SPEG: variants seen among roughly 807,000 people sequenced by gnomAD.
SPEG encodes the protein striated muscle preferentially expressed protein kinase.
A neutral mutation model predicts 300.4 loss-of-function variants in SPEG; 114 were observed. The ratio of observed to expected loss-of-function variants is 0.38; its 90% CI spans 0.33 to 0.44. The LOEUF (loss-of-function observed/expected upper bound fraction) is 0.44. Among genes scored for constraint, SPEG ranks in the 20% least tolerant of loss-of-function variants. The pLI is 1.00. For missense variants in SPEG, 4,201 were observed against 4,586.2 expected (o/e 0.92, Z 2.43); for synonymous variants, 1,964 against 2,018.9 (o/e 0.97, Z 0.73).
intron 4 of SPEG, among the ~76,000 whole-genome samples, chr2:219,450,451 T>G (rs1689659246): frequency 6.6e-6 from 1 of 152,224 alleles, no homozygotes; most frequent in Admixed American, 6.5e-5. Flanking sequence ...AGTTGGAGAA[T>G]GCCCAGAGAC....
rs1198961740 is a variant in SPEG, at chr2:219,435,267, G to A, written c.290G>A (p.Arg97His). Residue 97 changes from arginine to histidine, a missense_variant, in exon 1 of 41, where the codon CGC becomes CAC. This residue lies in a region of SPEG where 1,258 missense variants were observed against 1,293.9 expected (regional missense o/e 0.97). Transcript: ENST00000312358. ...GAGCCCAGCTGCCTGTGGCTGCGGC[G>A]CTGCGGGGCGCAGGACGCCGGCGTG... Reference protein sequence around the residue: ...APEPSCLWLRRCGAQDAGVYS... With the variant: ...APEPSCLWLRHCGAQDAGVYS... 2 of 1,493,504 alleles carry A rather than the reference G, an allele frequency of 1.3e-6. No individual in the cohort carries two copies. The highest frequency in any genetic ancestry group is 2.8e-5 in the East Asian group (1 of 36,040). 92.5% of individuals were successfully genotyped at this position (1,493,504 alleles called of 1,614,324 possible).
Position 219,490,665 on chromosome 2 carries a change from G to A in SPEG, c.9161+17G>A. ...CAGTGACAGGTAGCTGGGAATTCTA[G>A]GGGAGTAGGGAGGAAGAGGTAGGGG... is the stretch of plus-strand genomic sequence containing the variant. On this transcript the variant is annotated intron_variant, in intron 37 of 40. Transcript: ENST00000312358. The A allele has an allele frequency of 1.2e-6, 2 of 1,609,054 alleles. No individual in the cohort carries two copies. The highest frequency in any genetic ancestry group is 1.7e-6 in the Non-Finnish European group (2 of 1,175,650).
chr2:219,460,400 G>A, intron 6 of SPEG: 1 of 985,352 alleles, frequency 1.0e-6, no homozygotes, highest in Non-Finnish European at 1.2e-6. Context: ...CAGAGCAAGG[G>A]GCAACACAGG....
At position 219,477,849 on chromosome 2, in the gene SPEG, G is replaced by C; in HGVS notation, c.4827-56G>C. ...GGCTGCTGGGTCTGAGGGTTGGGAG[G>C]GGTGGAGAGGGCCACAGTGATGGCT... On this transcript the variant is annotated intron_variant, in intron 21 of 40. Transcript: ENST00000312358. This position sits in a 1 kb window ranked among gnomAD's most constrained non-coding sequence, Gnocchi z 6.4. 2 of 1,599,298 alleles carry C rather than the reference G, an allele frequency of 1.3e-6. No individual in the cohort carries two copies. The highest frequency in any genetic ancestry group is 1.7e-6 in the Non-Finnish European group (2 of 1,168,680).
Position 219,447,982 on chromosome 2 carries a change from C to T in SPEG, c.824C>T (p.Pro275Leu). ...GRALSIHVSV[P>L]QSGLRREEPD... is the part of the protein sequence containing the mutation. ...CCATCTTGGTTCTGCAGCAGCGTCC[C>T]TCAGAGCGGGTTGCGCAGGGAGGAG... The change falls in exon 4 of 41, where the codon CCT becomes CTT. Residue 275 changes from proline (P) to leucine (L), a missense_variant. Pro to Leu is a moderately conservative substitution (Grantham distance 98, BLOSUM62 -3). Around this residue, in one of 4 missense-constraint regions of SPEG, gnomAD observed 1,258 missense variants for 1,293.9 expected, o/e 0.97. Coordinates refer to ENST00000312358, the MANE Select transcript of SPEG (RefSeq NM_005876.5). The T allele has an allele frequency of 6.2e-7, 1 of 1,612,598 alleles. No homozygotes were observed. Among genetic ancestry groups the T allele is most frequent in the Non-Finnish European group, 8.5e-7 (1 of 1,179,858 alleles).
In SPEG at chr2:219,479,526, C is replaced by T. The variant is rs1692636296; in HGVS notation, c.5086-257C>T. 6.6e-6 allele frequency among the ~76,000 whole-genome samples: 1 copy of T among 152,220 alleles called. No homozygotes were observed. The highest frequency in any genetic ancestry group is 6.5e-5 in the Admixed American group (1 of 15,280). On this transcript the variant is annotated intron_variant, in intron 23 of 40. Coordinates refer to ENST00000312358, the MANE Select transcript of SPEG (RefSeq NM_005876.5). The surrounding 1 kb of genome is among the most constrained non-coding windows in gnomAD (Gnocchi z 5.5). ...TAGATTTTATTGATCTCACTGCAGT[C>T]CTGCCACGTCAGGCTGTACATGTTG...
chr2:219,492,669 G>A lies in SPEG; in HGVS notation c.9687G>A (p.Gln3229=), dbSNP rs1357369347. The A allele has an allele frequency of 3.1e-6, 5 of 1,610,716 alleles. No homozygotes were observed. The highest frequency in any genetic ancestry group is 4.2e-6 in the Non-Finnish European group (5 of 1,179,990). The part of the protein sequence containing the change: ...QDAYLMKLRR[Q]TLTFTTNRLK... Reference sequence around the variant, plus strand: ...CCTACCTGATGAAGCTGCGCCGCCAGACGCTCACCTTCACCACCAACCGGC... The same window carrying A: ...CCTACCTGATGAAGCTGCGCCGCCAAACGCTCACCTTCACCACCAACCGGC... Residue 3229 remains glutamine, a synonymous_variant, in exon 41 of 41, where the codon CAG becomes CAA. Coordinates refer to ENST00000312358, the MANE Select transcript of SPEG (RefSeq NM_005876.5).
rs183234878 is a variant in SPEG at position 219,483,877 on chromosome 2, C to T, written c.6414C>T (p.Pro2138=). The part of the protein sequence containing the change: ...SSSFSQGEAE[P]RGRHRRAGAP... ...GCTTCTCCCAGGGTGAGGCGGAGCC[C>T]CGGGGCCGGCACCGCCGAGCGGGGG... Residue 2138 remains proline (P), a synonymous_variant, in exon 30 of 41, where the codon CCC becomes CCT. Transcript: ENST00000312358. 2 of 1,597,752 alleles carry T rather than the reference C, an allele frequency of 1.3e-6. No individual in the cohort carries two copies. Among genetic ancestry groups the T allele is most frequent in the East Asian group, 4.5e-5 (2 of 44,638 alleles).
chr2:219,477,008 TG>T lies in SPEG; in HGVS notation c.4560+31del. 7.2e-7 allele frequency: 1 copy of T among 1,387,080 alleles called. No homozygotes were observed. 85.9% of individuals were successfully genotyped at this position (1,387,080 alleles called of 1,614,324 possible). The stretch of plus-strand genomic sequence containing the variant: ...GTCAGAGTGTGCTGCTGGCTGAGCC[TG>T]GGGGAGGGAGGAGGGGCTCCCTGGG... On this transcript the variant is annotated intron_variant, in intron 19 of 40. Coordinates refer to ENST00000312358, the MANE Select transcript of SPEG (RefSeq NM_005876.5). This position sits in a 1 kb window ranked among gnomAD's most constrained non-coding sequence, Gnocchi z 6.4.
At position 219,472,328 on chromosome 2, in the gene SPEG, A is replaced by T; in HGVS notation, c.3937A>T (p.Ile1313Phe). The T allele has an allele frequency of 6.2e-7, 1 of 1,613,290 alleles. No homozygotes were observed. The highest frequency in any genetic ancestry group is 1.3e-5 in the African/African-American group (1 of 75,046). Residue 1313 changes from isoleucine to phenylalanine, a missense_variant, in exon 15 of 41, where the codon ATC becomes TTC. Transcript: ENST00000312358. ...WNPPRSLDMA[I>F]DPDSLTYTVQ... ...CCCCCCCAGGAGTCTGGACATGGCC[A>T]TCGGTGGGTCAGGGCTGCACAGGGC...
chr2:219,467,007 G>A, intron 9 of SPEG, 167 bp from the exon 10 acceptor site: 1 of 1,060,082 alleles, frequency 9.4e-7, no homozygotes, highest in Non-Finnish European at 1.3e-6. Flanking sequence ...CCAGGTCTGG[G>A]CATGCCTTGC....
intron 9 of SPEG, chr2:219,466,876 G>T (rs368731096): frequency 5.0e-6 from 5 of 999,504 alleles, no homozygotes; most frequent in Non-Finnish European, 5.0e-6. Context: ...GGTGTGTTGT[G>T]TTTTTTTTTC....
Position 219,489,200 on chromosome 2 carries a change from G to A in SPEG, c.8296G>A (p.Val2766Ile), listed in dbSNP as rs1324713232. Residue 2766 changes from valine to isoleucine, a missense_variant, in exon 35 of 41, where the codon GTC becomes ATC. Around this residue, in one of 4 missense-constraint regions of SPEG, gnomAD observed 1,578 missense variants for 1,506.0 expected, o/e 1.05. Transcript: ENST00000312358. ...QGPFSNSSEK[V>I]FVRGTQDSSA... ...GCCCTTCAGCAACTCTTCTGAGAAG[G>A]TCTTTGTCAGGGGTACTCAAGGTCA... 1.9e-6 allele frequency: 3 copies of A among 1,613,954 alleles called. No homozygotes were observed. In the South Asian group the frequency reaches 3.3e-5, roughly 18 times the overall value.
At chr2:219,461,197 C>A (rs1033990377) in intron 6 of SPEG, 68 of 986,548 alleles carry the variant, frequency 6.9e-5, no homozygotes, top group Non-Finnish European at 7.9e-5. Flanking sequence ...GTGCCCCCCT[C>A]CTCTTCCCCC....
rs2280038 is a variant in SPEG, at chr2:219,464,975, C to T, written c.2881+367C>T. 84,060 of 185,550 alleles carry T rather than the reference C, an allele frequency of 0.45. 20,940 individuals carry two copies. The highest frequency in any genetic ancestry group is 0.65 in the East Asian group (4,504 of 6,932). 11.5% of individuals were successfully genotyped at this position (185,550 alleles called of 1,614,324 possible). ...AGGACCCTCCCTCATCCCCCTCCCC[C>T]TCTCCTCTCGCCCCTTTGCCCACCC... On this transcript the variant is annotated intron_variant, in intron 9 of 40. Coordinates refer to ENST00000312358, the MANE Select transcript of SPEG (RefSeq NM_005876.5). The surrounding 1 kb of genome is among the most constrained non-coding windows in gnomAD (Gnocchi z 4.5).
In SPEG at chr2:219,469,279, C is replaced by T; in HGVS notation, c.3615C>T (p.Ala1205=). Residue 1205 remains alanine, a synonymous_variant, in exon 13 of 41, where the codon GCC becomes GCT. Coordinates refer to ENST00000312358, the MANE Select transcript of SPEG (RefSeq NM_005876.5). ...QDLEVGLAKE[A]MLECQVTGLP... ...TGGAGGTGGGACTGGCCAAGGAGGC[C>T]ATGCTAGAGTGCCAGGTGACCGGCC... 1 of 1,613,914 alleles carries T rather than the reference C, an allele frequency of 6.2e-7. No homozygotes were observed. Among genetic ancestry groups the T allele is most frequent in the Non-Finnish European group, 8.5e-7 (1 of 1,179,976 alleles).
rs1296871180 is a variant in SPEG, at chr2:219,482,751, C to G, written c.5566-33C>G. 3 of 1,607,972 alleles carry G rather than the reference C, an allele frequency of 1.9e-6. No individual in the cohort carries two copies. In the South Asian group the frequency reaches 3.3e-5, roughly 18 times the overall value. On this transcript the variant is annotated intron_variant, in intron 28 of 40. Transcript: ENST00000312358. ...AAACCTGGAGGGTCTAGGTTGACAGCTTTCCCTCAAGCCCTCTTTCCTGGG... is the reference window on the plus strand; with the variant it reads ...AAACCTGGAGGGTCTAGGTTGACAGGTTTCCCTCAAGCCCTCTTTCCTGGG...
In SPEG at chr2:219,467,189, G is replaced by A. The variant is rs34861443; in HGVS notation, c.2897G>A (p.Arg966Gln). 33,970 of 1,583,180 alleles carry A rather than the reference G, an allele frequency of 0.021. 435 individuals are homozygous for A. Among genetic ancestry groups the A allele is most frequent in the Non-Finnish European group, 0.027 (31,354 of 1,165,778 alleles). Residue 966 changes from arginine to glutamine, a missense_variant, in exon 10 of 41, where the codon CGG (arginine) becomes CAG (glutamine). Arg to Gln is a conservative substitution (Grantham distance 43). This residue lies in a region of SPEG where 1,047 missense variants were observed against 1,356.8 expected (regional missense o/e 0.77). Coordinates refer to ENST00000312358, the MANE Select transcript of SPEG (RefSeq NM_005876.5). ...RLEVRAHPES[R>Q]SLAVLAPLQD... ...TTCCCCTCAGCACACCCTGAAAGCC[G>A]GTCCCTGGCCGTGCTGGCCCCCCTG...
chr2:219,481,709 A>G lies in SPEG; in HGVS notation c.5565+29A>G. On this transcript the variant is annotated intron_variant, in intron 28 of 40. Transcript: ENST00000312358. The surrounding 1 kb of genome is among the most constrained non-coding windows in gnomAD (Gnocchi z 5.4). ...AGTCTAGTCTGCAAAGTGGTGGCAC[A>G]AAAGGTGGAGGGAGAGAGAATGTTA... The G allele has an allele frequency of 6.2e-7, 1 of 1,608,586 alleles. No homozygotes were observed. The highest frequency in any genetic ancestry group is 2.2e-5 in the East Asian group (1 of 44,864).
Sources: allele counts gnomAD v4.1 joint callset (sites outside exome capture counted in the v4.1 genomes callset), GRCh38; gene constraint gnomAD v4.1.1; regional missense constraint gnomAD v4.1.1; non-coding constraint Gnocchi (gnomAD v3.1); transcripts MANE v1.5; gene names NCBI Gene and HGNC (gene_info 2026-07-23, HGNC 2026-07-21).